The following KIAA1328 variants were observed in gnomAD, a reference collection of about 807,000 sequenced individuals.
KIAA1328 encodes the protein protein hinderin.
In KIAA1328, 52 loss-of-function variants were observed where a neutral mutation model predicts 68.1. That is an observed-to-expected ratio of 0.76 (90% CI 0.61 to 0.96). The LOEUF (loss-of-function observed/expected upper bound fraction) is 0.96. Among genes scored for constraint, KIAA1328 ranks in the 40% least tolerant of loss-of-function variants. The pLI is 0.00. For missense variants in KIAA1328, 641 were observed against 677.6 expected, an observed-to-expected ratio of 0.95 and a Z score of 0.60; for synonymous variants, 232 against 239.4, an observed-to-expected ratio of 0.97 and a Z score of 0.28.
At chr18:36,892,444 C>A (rs1223354384) in intron 5 of KIAA1328, among the ~76,000 whole-genome samples, 1 of 151,974 alleles carries the variant, frequency 6.6e-6, no homozygotes, top group African/African-American at 2.4e-5. Context: ...AATATAAACA[C>A]CTTATCAACT....
chr18:36,872,313 A>G (rs2047974046), intron 4 of KIAA1328, among the ~76,000 whole-genome samples: 1 of 152,134 alleles, frequency 6.6e-6, no homozygotes, highest in Non-Finnish European at 1.5e-5. Flanking sequence ...CCTGATTAGA[A>G]TAACAGAAAA....
intron 6 of KIAA1328, among the ~76,000 whole-genome samples, chr18:37,038,968 T>C (rs2055138816): frequency 6.6e-6 from 1 of 152,170 alleles, no homozygotes; most frequent in South Asian, 2.1e-4. Flanking sequence ...ATGGAGATGA[T>C]CTTTTGGTTT....
At chr18:37,085,740 A>G (rs1162255651) in intron 7 of KIAA1328, among the ~76,000 whole-genome samples, 5 of 151,960 alleles carry the variant, frequency 3.3e-5, no homozygotes, top group Admixed American at 2.6e-4. Flanking sequence ...ACTGATAACC[A>G]TCTATTTGCT....
chr18:37,178,379 T>C (rs2059634738), intron 9 of KIAA1328, among the ~76,000 whole-genome samples: 1 of 152,180 alleles, frequency 6.6e-6, no homozygotes, highest in Non-Finnish European at 1.5e-5. Flanking sequence ...TGACATAATA[T>C]GCTTCAGGTT....
chr18:37,074,071 C>T (rs1258563158), intron 7 of KIAA1328, among the ~76,000 whole-genome samples: 1 of 152,192 alleles, frequency 6.6e-6, no homozygotes. Flanking sequence ...TGGACCTTTG[C>T]TGGTGGGAAT....
chr18:37,021,995 G>A (rs555970994), intron 6 of KIAA1328, among the ~76,000 whole-genome samples: 13 of 152,090 alleles, frequency 8.5e-5, no homozygotes, highest in South Asian at 6.2e-4. Context: ...AGCCGAGATC[G>A]TGCCACCGCA....
intron 8 of KIAA1328, among the ~76,000 whole-genome samples, chr18:37,164,431 A>T (rs1005721937): frequency 5.3e-5 from 8 of 152,202 alleles, no homozygotes; most frequent in African/African-American, 1.9e-4. Flanking sequence ...GTCAAAGAGA[A>T]ATCAGTAGAG....
chr18:36,958,380 G>A (rs2051510173), intron 5 of KIAA1328, among the ~76,000 whole-genome samples: 1 of 151,946 alleles, frequency 6.6e-6, no homozygotes, highest in South Asian at 2.1e-4. Context: ...AGAATTGCTG[G>A]GTCATATGTC....
Position 37,169,547 on chromosome 18 carries a change from A to G in KIAA1328, c.1415-3426A>G. The stretch of plus-strand genomic sequence containing the variant: ...TGTGTGTGTGTGTGTGTGTTTAAAT[A>G]TACAGGAATATAGAGTTCCATGAAT... On this transcript the variant is annotated intron_variant, in intron 8 of 9. Transcript: ENST00000280020. 1.3e-5 allele frequency among the ~76,000 whole-genome samples: 2 copies of G among 152,070 alleles called. 1 individual carries two copies. Among genetic ancestry groups the G allele is most frequent in the Non-Finnish European group, 2.9e-5 (2 of 68,002 alleles).
chr18:36,903,750 A>G (rs2049117705), intron 5 of KIAA1328: 1 of 152,154 alleles, frequency 6.6e-6, no homozygotes, highest in South Asian at 2.1e-4. Flanking sequence ...GAATCATTCA[A>G]AAAGTGTTAT....
At chr18:37,069,403 G>A (rs2056453874) in intron 7 of KIAA1328, among the ~76,000 whole-genome samples, 2 of 152,048 alleles carry the variant, frequency 1.3e-5, no homozygotes, top group South Asian at 4.1e-4. Context: ...GGGATTACAG[G>A]CGTGAGCCAC....
chr18:36,965,881 G>T (rs2051910637), intron 6 of KIAA1328, among the ~76,000 whole-genome samples: 1 of 150,108 alleles, frequency 6.7e-6, no homozygotes, highest in Admixed American at 6.6e-5. Flanking sequence ...AGATTTTATT[G>T]ACAATCCAGA....
At chr18:37,201,686 A>G (rs1032099987) in intron 9 of KIAA1328, among the ~76,000 whole-genome samples, 4 of 152,194 alleles carry the variant, frequency 2.6e-5, no homozygotes, top group African/African-American at 9.6e-5. Flanking sequence ...AAACCTCTCA[A>G]GGCTAAGAAG....
chr18:36,885,089 A>G (rs2048453827), intron 4 of KIAA1328, among the ~76,000 whole-genome samples: 1 of 152,134 alleles, frequency 6.6e-6, no homozygotes, highest in Non-Finnish European at 1.5e-5. Context: ...GGTACCAGGA[A>G]AAAGTAAAAT....
chr18:36,979,023 G>A (rs1207525934), intron 6 of KIAA1328, among the ~76,000 whole-genome samples: 2 of 152,052 alleles, frequency 1.3e-5, no homozygotes, highest in East Asian at 1.9e-4. Context: ...GCTGGGCATG[G>A]TGGTACACAC....
Position 36,885,537 on chromosome 18 carries a change from T to G in KIAA1328, c.333-20T>G, listed in dbSNP as rs200327896. On this transcript the variant is annotated intron_variant, in intron 4 of 9. Transcript: ENST00000280020. ...ATTTTATTCTGATAGATGTTAAAGG[T>G]TTTTTTTTTTTTATTTCAGAGTAAG... The G allele has an allele frequency of 6.9e-6, 4 of 581,058 alleles. No individual in the cohort carries two copies. The highest frequency in any genetic ancestry group is 2.3e-5 in the African/African-American group (1 of 43,168). The allele number at this position is 581,058 out of a possible 1,614,324, so 36.0% of individuals were successfully genotyped here.
intron 6 of KIAA1328, among the ~76,000 whole-genome samples, chr18:36,967,630 G>A (rs955143825): frequency 6.6e-6 from 1 of 152,172 alleles, no homozygotes; most frequent in Admixed American, 6.5e-5. Context: ...CCAAAGGACT[G>A]GGACATCAGG....
intron 7 of KIAA1328, among the ~76,000 whole-genome samples, chr18:37,077,129 A>C (rs1433261553): frequency 6.6e-6 from 1 of 150,482 alleles, no homozygotes; most frequent in Non-Finnish European, 1.5e-5. Flanking sequence ...CAAAAAGCTT[A>C]TCCACCATGA....
At chr18:37,177,612 A>T (rs2059619166) in intron 9 of KIAA1328, among the ~76,000 whole-genome samples, 1 of 151,784 alleles carries the variant, frequency 6.6e-6, no homozygotes, top group Admixed American at 6.6e-5. Context: ...TCACTTTTTT[A>T]GCTTTTTTTT....
Sources: allele counts gnomAD v4.1 joint callset (sites outside exome capture counted in the v4.1 genomes callset), GRCh38; gene constraint gnomAD v4.1.1; transcripts MANE v1.5; gene names NCBI Gene and HGNC (gene_info 2026-07-23, HGNC 2026-07-21).